ARHGEF11: variants seen among roughly 807,000 people sequenced by gnomAD.
ARHGEF11 encodes the protein Rho guanine nucleotide exchange factor 11.
In ARHGEF11, 55 loss-of-function variants were observed where a neutral mutation model predicts 193.7. The ratio of observed to expected loss-of-function variants is 0.28; its 90% CI spans 0.23 to 0.36. ARHGEF11 has a LOEUF of 0.36. ARHGEF11 is among the 10% of genes least tolerant of loss of function. The probability of loss-of-function intolerance (pLI) is 1.00; values close to 1 mark genes in which losing one functional copy is unlikely to be tolerated. For missense variants in ARHGEF11, 1,723 were observed against 2,005.6 expected (o/e 0.86, Z 2.69); for synonymous variants, 693 against 768.0 (o/e 0.90, Z 1.62).
At chr1:156,996,023 T>C (rs954047747) in intron 1 of ARHGEF11, among the ~76,000 whole-genome samples, 1 of 152,182 alleles carries the variant, frequency 6.6e-6, no homozygotes, top group Non-Finnish European at 1.5e-5. Context: ...CCTATACTTA[T>C]CACAGCTGTT....
chr1:156,970,139 T>C (rs952472632), intron 8 of ARHGEF11, 96 bp from the exon 9 acceptor site: 2 of 1,053,086 alleles, frequency 1.9e-6, no homozygotes, highest in East Asian at 2.4e-5. Context: ...TTACAATTAG[T>C]GGCCTCTTCC....
Position 156,948,817 on chromosome 1 carries a change from G to T in ARHGEF11, c.1926-319C>A. 1.0e-6 allele frequency: 1 copy of T among 985,388 alleles called. No individual in the cohort carries two copies. The highest frequency in any genetic ancestry group is 5.2e-4 in the Middle Eastern group (1 of 1,914). The allele number at this position is 985,388 out of a possible 1,614,324, so 61.0% of individuals were successfully genotyped here. The stretch of plus-strand genomic sequence containing the variant: ...ACTCTGAGTTGTAGTGTGTCCAGAG[G>T]CCTGAGACACCATGCTTCTGTCAAG... On this transcript the variant is annotated intron_variant, in intron 22 of 40. Coordinates refer to ENST00000368194, the MANE Select transcript of ARHGEF11 (RefSeq NM_198236.3). The surrounding 1 kb of genome is among the most constrained non-coding windows in gnomAD (Gnocchi z 4.2).
chr1:156,951,355 C>A (rs1474275568), intron 22 of ARHGEF11, among the ~76,000 whole-genome samples: 1 of 152,088 alleles, frequency 6.6e-6, no homozygotes, highest in African/African-American at 2.4e-5. Context: ...GTGTGTAGTT[C>A]TTGGGCTGGA....
At chr1:156,950,729 G>A (rs1658961364) in intron 22 of ARHGEF11, among the ~76,000 whole-genome samples, 1 of 152,176 alleles carries the variant, frequency 6.6e-6, no homozygotes. Flanking sequence ...ATACTGACTT[G>A]CTTTCATGCC....
intron 26 of ARHGEF11, 133 bp downstream of exon 26, chr1:156,947,171 G>T (rs1250770021): frequency 8.1e-6 from 12 of 1,477,336 alleles, no homozygotes; most frequent in Non-Finnish European, 1.1e-5. Flanking sequence ...GTTTCAGGCT[G>T]TCCACAGATC....
chr1:156,972,345 G>A (rs147956378), intron 7 of ARHGEF11, among the ~76,000 whole-genome samples: 33 of 152,302 alleles, frequency 2.2e-4, no homozygotes, highest in African/African-American at 7.7e-4. Context: ...AGGGACACCT[G>A]GCTTTGACTT....
intron 35 of ARHGEF11, 39 bp downstream of exon 35, chr1:156,941,333 G>T: frequency 6.2e-7 from 1 of 1,608,598 alleles, no homozygotes; most frequent in South Asian, 1.1e-5. Context: ...ACAGAAAAAG[G>T]CCTGGGCTGG....
At position 157,003,237 on chromosome 1, in the gene ARHGEF11, T is replaced by C. The variant is rs185455455; in HGVS notation, c.33-17064A>G. Among the ~76,000 whole-genome samples, 26 of 152,346 alleles carry C rather than the reference T, an allele frequency of 1.7e-4. 1 individual carries two copies. The highest frequency in any genetic ancestry group is 1.3e-3 in the Admixed American group (20 of 15,308). On this transcript the variant is annotated intron_variant, in intron 1 of 40. Coordinates refer to ENST00000368194, the MANE Select transcript of ARHGEF11 (RefSeq NM_198236.3). ...CAGCAAGTGAGATGAAGCTGGGATA[T>C]GAACCCAAGCATTTTAACTTCAGAG...
chr1:156,964,224 G>C (rs1362428237), intron 11 of ARHGEF11, among the ~76,000 whole-genome samples: 7 of 152,090 alleles, frequency 4.6e-5, no homozygotes, highest in Admixed American at 4.6e-4. Flanking sequence ...TCTTAGTCTG[G>C]CTTTCCTTTC....
chr1:157,041,298 G>A (rs1672718024), intron 1 of ARHGEF11, among the ~76,000 whole-genome samples: 1 of 152,150 alleles, frequency 6.6e-6, no homozygotes, highest in African/African-American at 2.4e-5. Flanking sequence ...TGGGCAGTAA[G>A]TTGCCCATGG....
At position 156,964,631 on chromosome 1, in the gene ARHGEF11, G is replaced by A. The variant is rs562329359; in HGVS notation, c.964-1037C>T. Among the ~76,000 whole-genome samples the A allele has an allele frequency of 1.2e-3, 177 of 152,258 alleles. 1 individual carries two copies. Among genetic ancestry groups the A allele is most frequent in the Admixed American group, 0.011 (174 of 15,296 alleles). ...AATGACTGAGTCACAGAACATGAGC[G>A]GCCCAGAAGGTATCTCAGACACTAG... On this transcript the variant is annotated intron_variant, in intron 11 of 40. Transcript: ENST00000368194.
At chr1:157,007,899 G>GTTTTTTTTTTTTGTT (rs1668017982) in intron 1 of ARHGEF11, among the ~76,000 whole-genome samples, 6 of 128,938 alleles carry the variant, frequency 4.7e-5, no homozygotes, top group Non-Finnish European at 4.9e-5. Context: ...GAAGGCAAAG[G>GTTTTTTTTTTTTGTT]TTTTTTTTTT....
intron 20 of ARHGEF11, among the ~76,000 whole-genome samples, chr1:156,955,268 C>T (rs1194089222): frequency 6.6e-6 from 1 of 151,008 alleles, no homozygotes; most frequent in Non-Finnish European, 1.5e-5. Flanking sequence ...CTCTGGGTCC[C>T]AAACTTGCCC....
chr1:157,024,479 C>T (rs529067541), intron 1 of ARHGEF11, among the ~76,000 whole-genome samples: 1 of 152,250 alleles, frequency 6.6e-6, no homozygotes, highest in African/African-American at 2.4e-5. Flanking sequence ...GCTGCACATA[C>T]ACAAGGGATT....
intron 12 of ARHGEF11, 41 bp downstream of exon 12, chr1:156,963,478 AC>A: frequency 6.3e-7 from 1 of 1,597,268 alleles, no homozygotes; most frequent in Non-Finnish European, 8.6e-7. Flanking sequence ...AGCTTGTATG[AC>A]AAAAAAAAAT....
chr1:156,950,196 C>A (rs1244781867), intron 22 of ARHGEF11, among the ~76,000 whole-genome samples: 1 of 152,206 alleles, frequency 6.6e-6, no homozygotes, highest in African/African-American at 2.4e-5. Context: ...ACAAATCTAA[C>A]CTTTGTCTCC....
chr1:156,958,606 C>T, intron 17 of ARHGEF11, 136 bp downstream of exon 17: 1 of 1,282,310 alleles, frequency 7.8e-7, no homozygotes, highest in Non-Finnish European at 1.1e-6. Flanking sequence ...AGCAGGAGTG[C>T]AGGACTCCCC....
intron 3 of ARHGEF11, among the ~76,000 whole-genome samples, chr1:156,981,918 A>C (rs1281950392): frequency 1.3e-5 from 2 of 152,234 alleles, no homozygotes; most frequent in Admixed American, 6.5e-5. Context: ...TAAATCTTTA[A>C]GTTGCATTCC....
intron 1 of ARHGEF11, among the ~76,000 whole-genome samples, chr1:157,007,642 G>C (rs1667989109): frequency 1.3e-5 from 2 of 152,104 alleles, no homozygotes; most frequent in South Asian, 4.1e-4. Context: ...TACGATTTTT[G>C]GTTAAGGTGC....
Sources: gnomAD v4.1 joint callset for allele counts (sites outside exome capture counted in the v4.1 genomes callset) on GRCh38, gnomAD v4.1.1 for gene constraint, Gnocchi (gnomAD v3.1) non-coding constraint, MANE v1.5 for transcripts, NCBI Gene and HGNC (gene_info 2026-07-23, HGNC 2026-07-21) for gene names.